Variants in MIB1 observed in about 807,000 individuals in gnomAD.
The protein encoded by MIB1 is MIB E3 ubiquitin protein ligase 1, also known as E3 ubiquitin-protein ligase MIB1.
MIB1 carries 278 observed loss-of-function variants against 124.5 expected under a neutral mutation model. The ratio of observed to expected loss-of-function variants is 2.23; its 90% confidence interval spans 2.02 to 2.47. MIB1 has a LOEUF of 2.47. Ranked by LOEUF, MIB1 falls within the 30% of genes most tolerant of loss-of-function variation. The probability of loss-of-function intolerance (pLI) is 0.00; values close to 1 mark genes in which losing one functional copy is unlikely to be tolerated. For synonymous variants in MIB1, 446 were observed against 429.4 expected, an observed-to-expected ratio of 1.04 and a Z score of -0.48; for missense variants, 957 against 1,254.4, an observed-to-expected ratio of 0.76 and a Z score of 3.58.
At chr18:21,842,633 A>AT (rs1324861279) in intron 13 of MIB1, among the ~76,000 whole-genome samples, 29 of 152,172 alleles carry the variant, frequency 1.9e-4, no homozygotes, top group African/African-American at 6.5e-4. Flanking sequence ...TTATGTACGA[A>AT]TTAAGCATTA....
In MIB1 at chr18:21,867,706, G is replaced by A. The variant is rs2042330058; in HGVS notation, c.*3040G>A. 6.6e-6 allele frequency: 1 copy of A among 152,516 alleles called. No homozygotes were observed. The highest frequency in any genetic ancestry group is 2.4e-5 in the African/African-American group (1 of 41,434). 9.4% of individuals were successfully genotyped at this position (152,516 alleles called of 1,614,324 possible). On this transcript the variant is annotated 3_prime_UTR_variant, in exon 21 of 21. Transcript: ENST00000261537. ...GGTGTTAGCCTGTAAGAGCATTTTA[G>A]CATATTGAAATGCATGCTGCTTAAG...
intron 1 of MIB1, among the ~76,000 whole-genome samples, chr18:21,749,184 G>A (rs943125219): frequency 3.3e-5 from 5 of 152,144 alleles, no homozygotes; most frequent in African/African-American, 1.2e-4. Context: ...GGTAAAATAA[G>A]GTGACATTTA....
chr18:21,783,727 A>T (rs1288929224), intron 6 of MIB1, among the ~76,000 whole-genome samples: 2 of 150,298 alleles, frequency 1.3e-5, no homozygotes, highest in Non-Finnish European at 3.0e-5. Flanking sequence ...GTACGTTTTA[A>T]TGTGTTTTTT....
intron 1 of MIB1, among the ~76,000 whole-genome samples, chr18:21,730,380 A>C (rs2040763115): frequency 6.6e-6 from 1 of 152,212 alleles, no homozygotes; most frequent in Non-Finnish European, 1.5e-5. Flanking sequence ...CAGCCTGGCC[A>C]ACATGGTGAA....
At chr18:21,863,355 C>T (rs758025746) in intron 20 of MIB1, among the ~76,000 whole-genome samples, 6 of 152,242 alleles carry the variant, frequency 3.9e-5, no homozygotes, top group African/African-American at 4.8e-5. Context: ...TACCCACACT[C>T]GGTGTGTCCC....
chr18:21,779,723 A>C (rs2041336757), intron 6 of MIB1, 38 bp downstream of exon 6: 9 of 1,506,578 alleles, frequency 6.0e-6, no homozygotes, highest in Non-Finnish European at 6.5e-6. Flanking sequence ...ATGACAAATA[A>C]AACTAATATA....
rs567749431 is a variant in MIB1, at chr18:21,751,175, C to G, written c.229+9363C>G. The stretch of plus-strand genomic sequence containing the variant: ...TGAGATCATGTTACTGCACTCCAGC[C>G]TGGGTGACAGAATGAGACCCAGTCT... On this transcript the variant is annotated intron_variant, in intron 1 of 20. Coordinates refer to ENST00000261537, the MANE Select transcript of MIB1 (RefSeq NM_020774.4). Among the ~76,000 whole-genome samples, 11 of 151,898 alleles carry G rather than the reference C, an allele frequency of 7.2e-5. No individual in the cohort carries two copies. In the East Asian group the frequency reaches 1.9e-3, roughly 27 times the overall value.
chr18:21,850,666 C>G (rs532849690), intron 17 of MIB1, among the ~76,000 whole-genome samples: 1 of 152,164 alleles, frequency 6.6e-6, no homozygotes, highest in Non-Finnish European at 1.5e-5. Flanking sequence ...ATTCATAAAG[C>G]TGAGAAGGGT....
Position 21,849,324 on chromosome 18 carries a change from C to T in MIB1, c.2522C>T (p.Ser841Phe), listed in dbSNP as rs138079123. 2 of 1,612,974 alleles carry T rather than the reference C, an allele frequency of 1.2e-6. No homozygotes were observed. Among genetic ancestry groups the T allele is most frequent in the African/African-American group, 2.7e-5 (2 of 74,804 alleles). ...CCATGTGGACATATTGCTACCTGTT[C>T]TTTATGTTCTCCACGTGTCAAGAAA... ...FGPCGHIATC[S>F]LCSPRVKKCL... Residue 841 changes from serine to phenylalanine, a missense_variant, in exon 17 of 21, where the codon TCT (serine) becomes TTT (phenylalanine). Coordinates refer to ENST00000261537, the MANE Select transcript of MIB1 (RefSeq NM_020774.4).
intron 7 of MIB1, among the ~76,000 whole-genome samples, chr18:21,792,026 A>G (rs1045283586): frequency 6.6e-6 from 1 of 152,138 alleles, no homozygotes; most frequent in Non-Finnish European, 1.5e-5. Context: ...TTTTTCGTCA[A>G]ATGTTCATCA....
At chr18:21,807,630 A>AG (rs2041723462) in intron 10 of MIB1, among the ~76,000 whole-genome samples, 1 of 152,194 alleles carries the variant, frequency 6.6e-6, no homozygotes, top group African/African-American at 2.4e-5. Flanking sequence ...GGGTGGGTGG[A>AG]GGAGGTACAG....
chr18:21,785,549 G>A (rs1401396876), intron 6 of MIB1, among the ~76,000 whole-genome samples: 1 of 152,086 alleles, frequency 6.6e-6, no homozygotes, highest in Non-Finnish European at 1.5e-5. Context: ...TTGTCTCTGT[G>A]TACATCTTTT....
At position 21,768,547 on chromosome 18, in the gene MIB1, T is replaced by A. The variant is rs933830058; in HGVS notation, c.402-76T>A. ...CTTTTTACTTTCAAAATAACATTTTTATAATTTTGTTTTAAAAAGTAAATT... is the reference window on the plus strand; with the variant it reads ...CTTTTTACTTTCAAAATAACATTTTAATAATTTTGTTTTAAAAAGTAAATT... On this transcript the variant is annotated intron_variant, in intron 2 of 20. Coordinates refer to ENST00000261537, the MANE Select transcript of MIB1 (RefSeq NM_020774.4). 3.5e-5 allele frequency: 37 copies of A among 1,071,280 alleles called. No homozygotes were observed. In the African/African-American group the frequency reaches 4.5e-4, roughly 13 times the overall value. 66.4% of individuals were successfully genotyped at this position (1,071,280 alleles called of 1,614,324 possible).
intron 11 of MIB1, among the ~76,000 whole-genome samples, chr18:21,818,169 A>C (rs2146477788): frequency 6.6e-6 from 1 of 152,306 alleles, no homozygotes; most frequent in East Asian, 1.9e-4. Flanking sequence ...ACTGCACAAG[A>C]TGTTCATCTG....
intron 10 of MIB1, among the ~76,000 whole-genome samples, chr18:21,809,841 C>T (rs1304863797): frequency 6.6e-6 from 1 of 151,962 alleles, no homozygotes; most frequent in Non-Finnish European, 1.5e-5. Flanking sequence ...AAGAACAGGG[C>T]AAGGATACCT....
intron 7 of MIB1, among the ~76,000 whole-genome samples, chr18:21,795,306 A>ATATATAT (rs57104120): frequency 0.053 from 7,073 of 133,646 alleles, 335 homozygotes; most frequent in African/African-American, 0.15. Flanking sequence ...TAATATATAA[A>ATATATAT]TATATATTAT....
intron 1 of MIB1, among the ~76,000 whole-genome samples, chr18:21,756,687 C>T (rs1197087344): frequency 6.6e-6 from 1 of 152,152 alleles, no homozygotes; most frequent in Non-Finnish European, 1.5e-5. Context: ...TGGTCTCAAA[C>T]TCCTGATCTT....
upstream of MIB1, among the ~76,000 whole-genome samples, chr18:21,740,473 C>G (rs995248848): frequency 5.3e-5 from 8 of 152,230 alleles, 1 homozygote; most frequent in Admixed American, 5.2e-4. Context: ...GAATGTATTT[C>G]TACCTTCGTT....
At position 21,740,811 on chromosome 18, in the gene MIB1, C is replaced by G. The variant is rs2040838690; in HGVS notation, c.-773C>G. Among the ~76,000 whole-genome samples the G allele has an allele frequency of 6.6e-6, 1 of 152,252 alleles. No individual in the cohort carries two copies. Among genetic ancestry groups the G allele is most frequent in the South Asian group, 2.1e-4 (1 of 4,836 alleles). ...ACTCTCCTTGGACCCTGGAGAGACG[C>G]TTAGGGATCAGTTTTCTCCTCCTTT... On this transcript the variant is annotated 5_prime_UTR_variant, in exon 1 of 21. Coordinates refer to ENST00000261537, the MANE Select transcript of MIB1 (RefSeq NM_020774.4).
Sources: gnomAD v4.1 joint callset for allele counts (sites outside exome capture counted in the v4.1 genomes callset) on GRCh38, gnomAD v4.1.1 for gene constraint, MANE v1.5 for transcripts, NCBI Gene and HGNC (gene_info 2026-07-23, HGNC 2026-07-21) for gene names.